The following SMARCA2 variants were observed in gnomAD, a reference collection of about 807,000 sequenced individuals.
The protein encoded by SMARCA2 is SWI/SNF related BAF chromatin remodeling complex subunit ATPase 2.
Under a neutral mutation model 199.8 loss-of-function variants are expected in SMARCA2, and 61 were observed. The observed-to-expected ratio is 0.31, with a 90% CI of 0.25 to 0.38. The LOEUF (loss-of-function observed/expected upper bound fraction) is 0.38, where lower values mean the gene tolerates loss of function less well. Among genes scored for constraint, SMARCA2 ranks in the 10% least tolerant of loss-of-function variants. SMARCA2 has a pLI of 1.00. For missense variants in SMARCA2, 1,344 were observed against 2,012.2 expected, an observed-to-expected ratio of 0.67 and a Z score of 6.35; for synonymous variants, 935 against 732.0, an observed-to-expected ratio of 1.28 and a Z score of -4.48.
At position 2,160,532 on chromosome 9, in the gene SMARCA2, T is replaced by C. The variant is rs1035446600; in HGVS notation, c.3982-1154T>C. On this transcript the variant is annotated intron_variant, in intron 27 of 33. Coordinates refer to ENST00000349721, the MANE Select transcript of SMARCA2 (RefSeq NM_003070.5). ...CGTTGTACATAAGTGAAAGAAATTA[T>C]GTCTGAGCTGTAATCACTCTTTATA... 10 of 676,990 alleles carry C rather than the reference T, an allele frequency of 1.5e-5. No individual in the cohort carries two copies. The East Asian group carries it at 1.6e-4, about 11-fold the overall frequency. The allele number at this position is 676,990 out of a possible 1,614,324, so 41.9% of individuals were successfully genotyped here. A position where few individuals can be genotyped will look rare whatever the true frequency, so the allele number is the denominator to read the frequency against.
chr9:2,020,697 G>A lies in SMARCA2; in HGVS notation c.-37+5293G>A, dbSNP rs560896427. 1.3e-4 allele frequency among the ~76,000 whole-genome samples: 20 copies of A among 152,200 alleles called. No homozygotes were observed. In the South Asian group the frequency reaches 3.5e-3, roughly 27 times the overall value. On this transcript the variant is annotated intron_variant, in intron 1 of 33. Transcript: ENST00000349721. Reference sequence around the variant, plus strand: ...TATAGCACTTTTCCTTGAAAGTGTAGGATATGTTAAAGAGAGCTTTTAAGT... The same window carrying A: ...TATAGCACTTTTCCTTGAAAGTGTAAGATATGTTAAAGAGAGCTTTTAAGT...
rs1825600006 is a variant in SMARCA2 at position 2,160,310 on chromosome 9, G to GTCTT, written c.3982-1374_3982-1371dup. Reference sequence around the variant, plus strand: ...ACACTGTAGGATCGTGATGGAAATTGTCTTTTGATTATTAAGGCCTAGGCT... The same window carrying GTCTT: ...ACACTGTAGGATCGTGATGGAAATTGTCTTTCTTTTGATTATTAAGGCCTAGGCT... On this transcript the variant is annotated intron_variant, in intron 27 of 33. Transcript: ENST00000349721. 7.4e-6 allele frequency: 3 copies of GTCTT among 403,546 alleles called. No individual in the cohort carries two copies. In the East Asian group the frequency reaches 1.1e-4, roughly 15 times the overall value. 25.0% of individuals were successfully genotyped at this position (403,546 alleles called of 1,614,324 possible). A position where few individuals can be genotyped will look rare whatever the true frequency, so the allele number is the denominator to read the frequency against.
chr9:2,033,284 G>C, intron 3 of SMARCA2: 1 of 521,226 alleles, frequency 1.9e-6, no homozygotes. Context: ...CGAAGTCCTA[G>C]TAATTTTACT....
chr9:2,101,910 C>G (rs912026836), intron 22 of SMARCA2, among the ~76,000 whole-genome samples: 2 of 152,004 alleles, frequency 1.3e-5, no homozygotes, highest in Non-Finnish European at 2.9e-5. Flanking sequence ...TATTTATAAC[C>G]AAAAGTATAG....
intron 13 of SMARCA2, 86 bp downstream of exon 13, chr9:2,076,415 G>A: frequency 2.4e-6 from 2 of 851,000 alleles, no homozygotes; most frequent in Non-Finnish European, 4.0e-6. Context: ...GTTCAAGGAA[G>A]GCAACTAACT....
At chr9:2,168,485 C>G (rs893001525) in intron 28 of SMARCA2, among the ~76,000 whole-genome samples, 2 of 152,160 alleles carry the variant, frequency 1.3e-5, no homozygotes, top group African/African-American at 4.8e-5. Context: ...AGCCCATTCT[C>G]CAGAAGGGCA....
chr9:2,170,546 T>A lies in SMARCA2; in HGVS notation c.4253+74T>A. 1 of 1,609,760 alleles carries A rather than the reference T, an allele frequency of 6.2e-7. No homozygotes were observed. Among genetic ancestry groups the A allele is most frequent in the South Asian group, 1.1e-5 (1 of 90,402 alleles). On this transcript the variant is annotated intron_variant, in intron 29 of 33. Coordinates refer to ENST00000349721, the MANE Select transcript of SMARCA2 (RefSeq NM_003070.5). The surrounding 1 kb of genome is among the most constrained non-coding windows in gnomAD (Gnocchi z 4.7). ...GTTACGTGAAACAGATTGAATCATA[T>A]AATCGGCCTTTGGAAGCAAATTTCT...
intron 29 of SMARCA2, among the ~76,000 whole-genome samples, chr9:2,178,840 C>A (rs977957639): frequency 6.6e-6 from 1 of 152,148 alleles, no homozygotes; most frequent in Non-Finnish European, 1.5e-5. Context: ...GACCTCCTGG[C>A]TTTGTCTGCC....
chr9:2,180,079 C>G (rs754523266), intron 29 of SMARCA2, among the ~76,000 whole-genome samples: 1 of 152,108 alleles, frequency 6.6e-6, no homozygotes, highest in African/African-American at 2.4e-5. Context: ...ACGCATTTCT[C>G]GAAGAGATGT....
chr9:2,077,845 G>C (rs146689590), intron 14 of SMARCA2, 69 bp downstream of exon 14: 11 of 1,422,962 alleles, frequency 7.7e-6, no homozygotes, highest in Non-Finnish European at 1.1e-5. Flanking sequence ...GAAGTATGTC[G>C]TGCACATGTT....
chr9:2,093,098 G>A (rs1467001607), intron 19 of SMARCA2, among the ~76,000 whole-genome samples: 1 of 152,172 alleles, frequency 6.6e-6, no homozygotes, highest in Non-Finnish European at 1.5e-5. Context: ...GAAATGGGAG[G>A]CATGGTGTGA....
At chr9:2,178,529 T>C (rs1006533326) in intron 29 of SMARCA2, among the ~76,000 whole-genome samples, 6 of 152,254 alleles carry the variant, frequency 3.9e-5, no homozygotes, top group Non-Finnish European at 8.8e-5. Context: ...AACAACATTG[T>C]ACAATTAGAC....
At chr9:2,034,256 A>C (rs1419514682) in intron 3 of SMARCA2, among the ~76,000 whole-genome samples, 1 of 152,042 alleles carries the variant, frequency 6.6e-6, no homozygotes, top group Non-Finnish European at 1.5e-5. Context: ...AAAAAAAAAA[A>C]AAAAAAAAAA....
In SMARCA2 at chr9:2,186,087, A is replaced by C; in HGVS notation, c.4462-9A>C. 2 of 1,613,210 alleles carry C rather than the reference A, an allele frequency of 1.2e-6. No individual in the cohort carries two copies. The highest frequency in any genetic ancestry group is 1.7e-6 in the Non-Finnish European group (2 of 1,179,478). On this transcript the variant is annotated splice_polypyrimidine_tract_variant and intron_variant, in intron 31 of 33. Transcript: ENST00000349721. ...TGCAGTTTTAACAGATGCCCCTTTG[A>C]CCATTTAGATCTATGAAGACTCCAT... is the stretch of plus-strand genomic sequence containing the variant.
chr9:2,110,433 T>A lies in SMARCA2; in HGVS notation c.3456+16T>A, dbSNP rs1431337704. On this transcript the variant is annotated intron_variant, in intron 24 of 33. Transcript: ENST00000349721. This position sits in a 1 kb window ranked among gnomAD's most constrained non-coding sequence, Gnocchi z 4.8. ...TCCTCATCAGGTCTGCATGTCCCAC[T>A]CAGGTGCCCAGGCCTCCCTCTGGAG... The A allele has an allele frequency of 3.8e-6, 6 of 1,572,122 alleles. No homozygotes were observed. In the East Asian group the frequency reaches 1.4e-4, roughly 36 times the overall value.
At chr9:2,185,423 C>T (rs1269527468) in intron 31 of SMARCA2, among the ~76,000 whole-genome samples, 1 of 152,112 alleles carries the variant, frequency 6.6e-6, no homozygotes, top group South Asian at 2.1e-4. Flanking sequence ...GTCGATGGAC[C>T]CTTGGGTTGC....
rs1563814276 is a variant in SMARCA2 at position 2,161,498 on chromosome 9, C to T, written c.3982-188C>T. ...ATGAAACAGACTTGAGTTAAAGATGCATTTATCCAATATGGTAGCATTCCT... is the reference window on the plus strand; with the variant it reads ...ATGAAACAGACTTGAGTTAAAGATGTATTTATCCAATATGGTAGCATTCCT... On this transcript the variant is annotated intron_variant, in intron 27 of 33. Transcript: ENST00000349721. The surrounding 1 kb of genome is among the most constrained non-coding windows in gnomAD (Gnocchi z 4.7). Among the ~76,000 whole-genome samples the T allele has an allele frequency of 6.6e-6, 1 of 152,170 alleles. No homozygotes were observed. Among genetic ancestry groups the T allele is most frequent in the Non-Finnish European group, 1.5e-5 (1 of 68,018 alleles).
At chr9:2,148,024 A>C (rs1260480703) in intron 27 of SMARCA2, among the ~76,000 whole-genome samples, 1 of 151,530 alleles carries the variant, frequency 6.6e-6, no homozygotes, top group Non-Finnish European at 1.5e-5. Flanking sequence ...AATATTAACA[A>C]AGCATGCTGA....
intron 32 of SMARCA2, among the ~76,000 whole-genome samples, chr9:2,187,891 C>G (rs576686820): frequency 1.3e-5 from 2 of 151,874 alleles, no homozygotes; most frequent in Admixed American, 1.3e-4. Context: ...CAAGCCTGAT[C>G]AATATATTCA....
Sources: allele counts gnomAD v4.1 joint callset (sites outside exome capture counted in the v4.1 genomes callset), GRCh38; gene constraint gnomAD v4.1.1; non-coding constraint Gnocchi (gnomAD v3.1); transcripts MANE v1.5; gene names NCBI Gene and HGNC (gene_info 2026-07-23, HGNC 2026-07-21).